PIK3C2A: variants seen among roughly 807,000 people sequenced by gnomAD.
PIK3C2A encodes the protein phosphatidylinositol 4-phosphate 3-kinase C2 domain-containing subunit alpha.
A neutral mutation model predicts 204.5 loss-of-function variants in PIK3C2A; 97 were observed. The ratio of observed to expected loss-of-function variants is 0.47; its 90% CI spans 0.40 to 0.56. The LOEUF is 0.56. Ranked by LOEUF, PIK3C2A falls within the 20% of genes least tolerant of loss-of-function variation. The pLI is 0.00. For missense variants in PIK3C2A, 1,735 were observed against 1,969.2 expected, an observed-to-expected ratio of 0.88 and a Z score of 2.25; for synonymous variants, 653 against 664.4, an observed-to-expected ratio of 0.98 and a Z score of 0.26.
At chr11:17,127,197 AGG>A (rs1849553888) in intron 13 of PIK3C2A, among the ~76,000 whole-genome samples, 1 of 152,208 alleles carries the variant, frequency 6.6e-6, no homozygotes, top group Non-Finnish European at 1.5e-5. Context: ...AAATTATGTC[AGG>A]TATTAAAATC....
At chr11:17,139,386 C>T (rs1849981033) in intron 8 of PIK3C2A, among the ~76,000 whole-genome samples, 1 of 151,992 alleles carries the variant, frequency 6.6e-6, no homozygotes, top group Non-Finnish European at 1.5e-5. Flanking sequence ...TGCCACCATG[C>T]CCGGCTAATT....
chr11:17,200,800 A>G (rs1341210088), intron 1 of PIK3C2A, among the ~76,000 whole-genome samples: 1 of 152,228 alleles, frequency 6.6e-6, no homozygotes, highest in East Asian at 1.9e-4. Flanking sequence ...ATACCTTAAT[A>G]AGTATGACTT....
Position 17,122,738 on chromosome 11 carries a change from G to C in PIK3C2A, c.2475C>G (p.Thr825=), listed in dbSNP as rs1014654093. 3.9e-6 allele frequency: 6 copies of C among 1,546,436 alleles called. No homozygotes were observed. The highest frequency in any genetic ancestry group is 5.3e-6 in the Non-Finnish European group (6 of 1,122,760). The change falls in exon 14 of 33, where the codon ACC becomes ACG. Residue 825 remains threonine, a synonymous_variant. Transcript: ENST00000691414. ...SHTNSVPGTV[T]KKGYVMERIV... Reference sequence around the variant, plus strand: ...TTCTTTCCATGACATATCCTTTTTTGGTAACTGTTCCAGGAACAGAATTTG... The same window carrying C: ...TTCTTTCCATGACATATCCTTTTTTCGTAACTGTTCCAGGAACAGAATTTG...
intron 1 of PIK3C2A, among the ~76,000 whole-genome samples, chr11:17,203,169 T>C (rs1001312658): frequency 3.9e-5 from 6 of 152,164 alleles, no homozygotes; most frequent in African/African-American, 1.4e-4. Context: ...ATATGCACTC[T>C]CATTGTGTTT....
rs773329430 is a variant in PIK3C2A at position 17,091,653 on chromosome 11, G to C, written c.4646C>G (p.Ala1549Gly). The change falls in exon 31 of 33, where the codon GCA becomes GGA. Residue 1549 changes from alanine (A) to glycine (G), a missense_variant. Transcript: ENST00000691414. ...KAEGIARSADAGSFSPTPGQI... is the reference protein window; with the variant it reads ...KAEGIARSADGGSFSPTPGQI... The stretch of plus-strand genomic sequence containing the variant: ...GCCTGGAGTAGGACTGAAGGAACCT[G>C]CATCTGAAAATACAAATATTTTCAT... 6.4e-7 allele frequency: 1 copy of C among 1,563,694 alleles called. No individual in the cohort carries two copies. Among genetic ancestry groups the C allele is most frequent in the African/African-American group, 1.4e-5 (1 of 73,424 alleles).
At chr11:17,093,297 C>T (rs1289325808) in intron 28 of PIK3C2A, among the ~76,000 whole-genome samples, 4 of 152,314 alleles carry the variant, frequency 2.6e-5, no homozygotes, top group East Asian at 1.9e-4. Flanking sequence ...GACGGAGTCT[C>T]GCTCTGTTGC....
chr11:17,107,965 G>A (rs971814910), intron 22 of PIK3C2A, among the ~76,000 whole-genome samples: 12 of 152,146 alleles, frequency 7.9e-5, no homozygotes, highest in African/African-American at 2.2e-4. Context: ...TCTGCCTCCC[G>A]GATTCAAGTG....
At chr11:17,128,334 A>G (rs1849590321) in intron 13 of PIK3C2A, among the ~76,000 whole-genome samples, 1 of 148,524 alleles carries the variant, frequency 6.7e-6, no homozygotes, top group Non-Finnish European at 1.5e-5. Context: ...CTCCAGGTTC[A>G]AGTGATTCTC....
In PIK3C2A at chr11:17,169,381, G is replaced by C. The variant is rs755151271; in HGVS notation, c.361C>G (p.Pro121Ala). 1.9e-6 allele frequency: 3 copies of C among 1,614,044 alleles called. No homozygotes were observed. In the Admixed American group the frequency reaches 5.0e-5, roughly 27 times the overall value. ...TKKTPVLPVT[P>A]ILSPSFSAQL... ...GCTGAAAAGGAAGGGCTCAGAATAG[G>C]AGTAACTGGTAATACAGGTGTTTTT... is the stretch of plus-strand genomic sequence containing the variant. Residue 121 changes from proline to alanine, a missense_variant, in exon 2 of 33, where the codon CCT (proline) becomes GCT (alanine). By Grantham distance (27) the Pro-to-Ala change is conservative (BLOSUM62 -1). Around this residue, in one of 6 missense-constraint regions of PIK3C2A, gnomAD observed 536 missense variants for 546.7 expected, o/e 0.98. Coordinates refer to ENST00000691414, the MANE Select transcript of PIK3C2A (RefSeq NM_002645.4).
chr11:17,187,023 C>A (rs1181039804), intron 1 of PIK3C2A, among the ~76,000 whole-genome samples: 2 of 152,040 alleles, frequency 1.3e-5, no homozygotes, highest in Non-Finnish European at 2.9e-5. Context: ...TCCCTAGTGC[C>A]TGGGTGATAG....
chr11:17,161,334 A>G (rs961704792), intron 2 of PIK3C2A, among the ~76,000 whole-genome samples: 15 of 152,246 alleles, frequency 9.9e-5, no homozygotes, highest in African/African-American at 3.6e-4. Flanking sequence ...CAGTCAGACT[A>G]TGAAAATCAC....
chr11:17,164,737 C>A (rs1850892516), intron 2 of PIK3C2A, among the ~76,000 whole-genome samples: 1 of 152,074 alleles, frequency 6.6e-6, no homozygotes, highest in South Asian at 2.1e-4. Context: ...AAAACTAATC[C>A]TGTTTGGCAG....
Position 17,168,861 on chromosome 11 carries a change from T to C in PIK3C2A, c.881A>G (p.Asn294Ser). The part of the protein sequence containing the change: ...VEVLDHEEEK[N>S]VSSLLAKDPW... ...ATCCTTTGCTAGCAAACTTGAAACA[T>C]TTTTCTCTTCCTCATGGTCTAATAC... Residue 294 changes from asparagine (N) to serine (S), a missense_variant, in exon 2 of 33, where the codon AAT becomes AGT. Around this residue, in one of 6 missense-constraint regions of PIK3C2A, gnomAD observed 536 missense variants for 546.7 expected, o/e 0.98. Transcript: ENST00000691414. 2 of 1,614,110 alleles carry C rather than the reference T, an allele frequency of 1.2e-6. No homozygotes were observed. The highest frequency in any genetic ancestry group is 1.7e-6 in the Non-Finnish European group (2 of 1,179,998).
intron 1 of PIK3C2A, among the ~76,000 whole-genome samples, chr11:17,191,134 T>C (rs1379510657): frequency 1.3e-5 from 2 of 152,236 alleles, no homozygotes; most frequent in East Asian, 1.9e-4. Context: ...ACAGAGTCTG[T>C]TCCTAAAGAA....
intron 1 of PIK3C2A, among the ~76,000 whole-genome samples, chr11:17,203,877 C>T (rs965533716): frequency 6.6e-6 from 1 of 152,102 alleles, no homozygotes; most frequent in Non-Finnish European, 1.5e-5. Flanking sequence ...TTGAGACCAT[C>T]CTGGCTAACA....
chr11:17,138,299 C>A (rs1370096758), intron 8 of PIK3C2A: 2 of 615,160 alleles, frequency 3.3e-6, no homozygotes, highest in Non-Finnish European at 5.8e-6. Flanking sequence ...GCCAAATGCC[C>A]CGGAAGACGA....
rs199594234 is a variant in PIK3C2A, at chr11:17,135,026, G to A, written c.1901C>T (p.Ser634Leu). ...TTGAACAGGATTTTCAGGATTAAGT[G>A]AGCCTAGATTAAAGAAAAAAAAAGT... ...EDTSRSSTRG[S>L]LNPENPVQVS... Residue 634 changes from serine to leucine, a missense_variant, in exon 11 of 33, where the codon TCA becomes TTA. Ser to Leu is a moderately radical substitution (Grantham distance 145). Around this residue, in one of 6 missense-constraint regions of PIK3C2A, gnomAD observed 567 missense variants for 576.0 expected, o/e 0.98. Transcript: ENST00000691414. The A allele has an allele frequency of 2.1e-4, 335 of 1,613,326 alleles. 1 individual carries two copies. The highest frequency in any genetic ancestry group is 3.0e-4 in the Admixed American group (18 of 59,988).
At chr11:17,098,998 C>T (rs1043401498) in intron 26 of PIK3C2A, among the ~76,000 whole-genome samples, 2 of 152,164 alleles carry the variant, frequency 1.3e-5, no homozygotes, top group African/African-American at 4.8e-5. Flanking sequence ...CAGGTTCAAG[C>T]GATTCTCCTG....
Position 17,113,732 on chromosome 11 carries a change from A to G in PIK3C2A, c.3321+629T>C, listed in dbSNP as rs1849074543. On this transcript the variant is annotated intron_variant, in intron 20 of 32. Transcript: ENST00000691414. ...GGGAGGCGGAGGTCGCAATGAGCCG[A>G]GATTGCACCATTGCATTCCAGCCTG... Among the ~76,000 whole-genome samples the G allele has an allele frequency of 3.4e-5, 5 of 147,980 alleles. No individual in the cohort carries two copies. In the South Asian group the frequency reaches 1.1e-3, roughly 33 times the overall value.
Sources: gnomAD v4.1 joint callset for allele counts (sites outside exome capture counted in the v4.1 genomes callset) on GRCh38, gnomAD v4.1.1 for gene constraint, gnomAD v4.1.1 regional missense constraint, MANE v1.5 for transcripts, NCBI Gene and HGNC (gene_info 2026-07-23, HGNC 2026-07-21) for gene names.